Variants in FMNL2 observed in about 807,000 individuals in gnomAD.
The protein encoded by FMNL2 is formin-like protein 2.
A neutral mutation model predicts 130.2 loss-of-function variants in FMNL2; 51 were observed. The ratio of observed to expected loss-of-function variants is 0.39; its 90% CI spans 0.31 to 0.49. FMNL2 has a LOEUF of 0.49. Ranked by LOEUF, FMNL2 falls within the 20% of genes least tolerant of loss-of-function variation. The pLI is 0.85. For missense variants in FMNL2, 977 were observed against 1,316.2 expected (o/e 0.74, Z 3.99); for synonymous variants, 465 against 467.1 (o/e 1.00, Z 0.06).
intron 1 of FMNL2, among the ~76,000 whole-genome samples, chr2:152,419,325 C>T (rs35662043): frequency 0.19 from 28,772 of 151,972 alleles, 2,922 homozygotes; most frequent in Middle Eastern, 0.38. Flanking sequence ...CTAGTGATAT[C>T]GAAATGTACA....
At chr2:152,505,878 T>C (rs1487497597) in intron 1 of FMNL2, among the ~76,000 whole-genome samples, 1 of 152,210 alleles carries the variant, frequency 6.6e-6, no homozygotes, top group Non-Finnish European at 1.5e-5. Flanking sequence ...GGCCATATAA[T>C]TGATCATCCA....
intron 6 of FMNL2, among the ~76,000 whole-genome samples, chr2:152,570,621 C>G (rs781485526): frequency 1.3e-5 from 2 of 152,198 alleles, no homozygotes. Context: ...GTCACAACTT[C>G]TCCATATTTC....
chr2:152,486,767 T>A (rs1252235683), intron 1 of FMNL2, among the ~76,000 whole-genome samples: 1 of 152,208 alleles, frequency 6.6e-6, no homozygotes, highest in African/African-American at 2.4e-5. Flanking sequence ...TAAATTTTTC[T>A]GTGTAATTTT....
chr2:152,508,482 G>A (rs2105350166), intron 1 of FMNL2, among the ~76,000 whole-genome samples: 1 of 152,336 alleles, frequency 6.6e-6, no homozygotes, highest in South Asian at 2.1e-4. Context: ...TGGATGAAGT[G>A]CGTTGCATTA....
At chr2:152,512,299 C>CT (rs1349347248) in intron 1 of FMNL2, among the ~76,000 whole-genome samples, 3 of 152,200 alleles carry the variant, frequency 2.0e-5, no homozygotes, top group Non-Finnish European at 4.4e-5. Flanking sequence ...ATGAGTGATT[C>CT]TTTCCATTAT....
intron 9 of FMNL2, among the ~76,000 whole-genome samples, chr2:152,586,730 T>C (rs73008193): frequency 0.046 from 7,023 of 152,292 alleles, 544 homozygotes; most frequent in African/African-American, 0.16. Context: ...TCTTCTTGAC[T>C]GGTCCTCCTC....
At chr2:152,519,692 G>T (rs148004664) in intron 1 of FMNL2, among the ~76,000 whole-genome samples, 1 of 152,254 alleles carries the variant, frequency 6.6e-6, no homozygotes, top group African/African-American at 2.4e-5. Flanking sequence ...AAATTCTCCC[G>T]GGTCTATTTC....
chr2:152,555,667 C>T (rs1444463561), intron 4 of FMNL2, among the ~76,000 whole-genome samples: 1 of 152,218 alleles, frequency 6.6e-6, no homozygotes, highest in Non-Finnish European at 1.5e-5. Flanking sequence ...CTGTCTTTTC[C>T]AGCTCCTAAG....
At chr2:152,335,863 C>T (rs1242811759) in intron 1 of FMNL2, 143 bp downstream of exon 1, 2 of 542,182 alleles carry the variant, frequency 3.7e-6, no homozygotes, top group African/African-American at 4.2e-5. Context: ...CCTTTGTGGC[C>T]CCCCAGCACT....
intron 1 of FMNL2, among the ~76,000 whole-genome samples, chr2:152,368,991 G>A (rs1579497857): frequency 6.6e-6 from 1 of 152,114 alleles, no homozygotes. Flanking sequence ...CATGTTTTTA[G>A]TCTGGACATC....
At position 152,552,792 on chromosome 2, in the gene FMNL2, C is replaced by T. The variant is rs115952865; in HGVS notation, c.359+3695C>T. On this transcript the variant is annotated intron_variant, in intron 4 of 25. Transcript: ENST00000288670. The stretch of plus-strand genomic sequence containing the variant: ...GCCATGCAGTGTGAGTAGGCAGATG[C>T]CATGGTGCTTAAGATGTCAGAGTGA... Among the ~76,000 whole-genome samples, 299 of 152,232 alleles carry T rather than the reference C, an allele frequency of 2.0e-3. 2 individuals carry two copies. Among genetic ancestry groups the T allele is most frequent in the African/African-American group, 6.9e-3 (286 of 41,536 alleles).
intron 1 of FMNL2, among the ~76,000 whole-genome samples, chr2:152,393,994 A>G (rs1279165643): frequency 1.3e-5 from 2 of 152,224 alleles, no homozygotes; most frequent in Admixed American, 1.3e-4. Context: ...CACGGGCTGT[A>G]GAAGAACAGG....
chr2:152,643,579 T>C (rs1291779916), intron 25 of FMNL2: 1 of 1,529,696 alleles, frequency 6.5e-7, no homozygotes, highest in Non-Finnish European at 8.8e-7. Flanking sequence ...TATGTCCCCC[T>C]CTGTGTGTCT....
chr2:152,575,082 C>T (rs1696401081), intron 6 of FMNL2, 54 bp from the exon 7 acceptor site: 4 of 1,086,130 alleles, frequency 3.7e-6, no homozygotes, highest in Non-Finnish European at 5.5e-6. Context: ...GTGCATGTGC[C>T]TATGCTAAGA....
intron 1 of FMNL2, among the ~76,000 whole-genome samples, chr2:152,363,303 A>G (rs1246183761): frequency 4.6e-5 from 7 of 152,236 alleles, no homozygotes; most frequent in African/African-American, 1.7e-4. Context: ...TTGGATTATA[A>G]CTAAATGGAA....
chr2:152,601,671 C>CTTTTTTTTTT (rs34914295), intron 9 of FMNL2, among the ~76,000 whole-genome samples: 4 of 103,460 alleles, frequency 3.9e-5, no homozygotes, highest in Non-Finnish European at 6.3e-5. Context: ...TCTTTTCTTT[C>CTTTTTTTTTT]TTTTTTTTTT....
At chr2:152,568,471 G>A (rs1000954195) in intron 6 of FMNL2, among the ~76,000 whole-genome samples, 2 of 152,080 alleles carry the variant, frequency 1.3e-5, no homozygotes, top group African/African-American at 2.4e-5. Flanking sequence ...GATTACAGGC[G>A]TGAACCACCG....
chr2:152,645,662 T>G, intron 25 of FMNL2: 1 of 429,808 alleles, frequency 2.3e-6, no homozygotes, highest in Non-Finnish European at 4.1e-6. Flanking sequence ...GATGCAGGGA[T>G]TGAGCCTCTC....
intron 1 of FMNL2, among the ~76,000 whole-genome samples, chr2:152,449,022 T>C (rs1688500890): frequency 6.6e-6 from 1 of 152,230 alleles, no homozygotes. Flanking sequence ...GTCTGTTGGT[T>C]AAGATGGCAC....
Sources: allele counts gnomAD v4.1 joint callset (sites outside exome capture counted in the v4.1 genomes callset), GRCh38; gene constraint gnomAD v4.1.1; transcripts MANE v1.5; gene names NCBI Gene and HGNC (gene_info 2026-07-23, HGNC 2026-07-21).